HS3ST5: variants seen among roughly 807,000 people sequenced by gnomAD.
The protein encoded by HS3ST5 is heparan sulfate glucosamine 3-O-sulfotransferase 5.
A neutral mutation model predicts 25.4 loss-of-function variants in HS3ST5; 10 were observed. That is an observed-to-expected ratio of 0.39 (90% CI 0.24 to 0.67). HS3ST5 has a LOEUF of 0.67. Ranked by LOEUF, HS3ST5 falls within the 30% of genes least tolerant of loss-of-function variation. HS3ST5 has a pLI of 0.44. For synonymous variants in HS3ST5, 170 were observed against 162.4 expected (o/e 1.05, Z -0.36); for missense variants, 324 against 420.7 (o/e 0.77, Z 2.01).
intron 1 of HS3ST5, among the ~76,000 whole-genome samples, chr6:114,281,159 T>C (rs1322018595): frequency 1.3e-5 from 2 of 152,020 alleles, no homozygotes; most frequent in Non-Finnish European, 2.9e-5. Flanking sequence ...CCATCTCTGA[T>C]CCCTTCCAAT....
chr6:114,154,120 G>A (rs780226941), intron 3 of HS3ST5, among the ~76,000 whole-genome samples: 67 of 152,120 alleles, frequency 4.4e-4, no homozygotes, highest in Non-Finnish European at 8.4e-4. Context: ...GTCTATTAAC[G>A]AAGGAGAGGT....
At position 114,103,527 on chromosome 6, in the gene HS3ST5, T is replaced by C. The variant is rs187390489; in HGVS notation, c.-32-40650A>G. ...ATCAGCTAGTTGACTTCAGAGAACATAGTCAGCAATACATTTCTTGTTGAT... is the reference window on the plus strand; with the variant it reads ...ATCAGCTAGTTGACTTCAGAGAACACAGTCAGCAATACATTTCTTGTTGAT... On this transcript the variant is annotated intron_variant, in intron 3 of 4. Coordinates refer to ENST00000312719, the MANE Select transcript of HS3ST5 (RefSeq NM_153612.4). Among the ~76,000 whole-genome samples the C allele has an allele frequency of 1.4e-4, 21 of 152,228 alleles. No homozygotes were observed. The East Asian group carries it at 3.9e-3, about 28-fold the overall frequency.
chr6:114,292,635 G>T (rs1774631532), intron 1 of HS3ST5, among the ~76,000 whole-genome samples: 1 of 152,178 alleles, frequency 6.6e-6, no homozygotes, highest in Admixed American at 6.5e-5. Flanking sequence ...TAAGTACTGG[G>T]GTTATGAGAA....
chr6:114,223,617 T>A (rs1243646073), intron 2 of HS3ST5, among the ~76,000 whole-genome samples: 2 of 151,582 alleles, frequency 1.3e-5, no homozygotes, highest in Non-Finnish European at 3.0e-5. Flanking sequence ...GTAGGGGGAG[T>A]CCAAACATTC....
chr6:114,165,032 C>T (rs1423334811), intron 3 of HS3ST5, among the ~76,000 whole-genome samples: 3 of 152,134 alleles, frequency 2.0e-5, no homozygotes, highest in African/African-American at 7.2e-5. Context: ...TGGGCTGTAT[C>T]CCATTGAGGT....
At chr6:114,097,004 T>A (rs1232450763) in intron 3 of HS3ST5, among the ~76,000 whole-genome samples, 1 of 152,084 alleles carries the variant, frequency 6.6e-6, no homozygotes, top group African/African-American at 2.4e-5. Context: ...AATAATGTGC[T>A]TCATTGCACT....
chr6:114,339,132 C>A (rs934680787), intron 1 of HS3ST5, among the ~76,000 whole-genome samples: 2 of 151,912 alleles, frequency 1.3e-5, no homozygotes, highest in Admixed American at 6.6e-5. Context: ...TTTAGAAATC[C>A]AAAAAATTCA....
intron 1 of HS3ST5, among the ~76,000 whole-genome samples, chr6:114,239,820 A>G (rs1370532310): frequency 6.6e-6 from 1 of 152,166 alleles, no homozygotes; most frequent in Non-Finnish European, 1.5e-5. Context: ...TCTCTGGGTC[A>G]GCATCAATTA....
chr6:114,301,735 G>A (rs1317027344), intron 1 of HS3ST5, among the ~76,000 whole-genome samples: 6 of 152,020 alleles, frequency 3.9e-5, no homozygotes, highest in Admixed American at 3.9e-4. Context: ...TGAAAAATCT[G>A]GACATATGGC....
At chr6:114,192,989 A>G (rs1027569214) in intron 2 of HS3ST5, among the ~76,000 whole-genome samples, 1 of 152,142 alleles carries the variant, frequency 6.6e-6, no homozygotes, top group African/African-American at 2.4e-5. Flanking sequence ...CCACCTTTTT[A>G]AAAGTTTAAC....
At chr6:114,073,856 T>A (rs1413948420) in intron 3 of HS3ST5, among the ~76,000 whole-genome samples, 1 of 152,218 alleles carries the variant, frequency 6.6e-6, no homozygotes, top group Non-Finnish European at 1.5e-5. Context: ...CATATGTTTA[T>A]TGTGGCACTA....
At chr6:114,119,937 G>A (rs1582621743) in intron 3 of HS3ST5, among the ~76,000 whole-genome samples, 1 of 152,096 alleles carries the variant, frequency 6.6e-6, no homozygotes, top group Non-Finnish European at 1.5e-5. Context: ...TCAAGGTCAG[G>A]AGTTCGAGAC....
intron 1 of HS3ST5, among the ~76,000 whole-genome samples, chr6:114,268,516 CAT>C (rs1196826893): frequency 6.6e-6 from 1 of 152,128 alleles, no homozygotes; most frequent in African/African-American, 2.4e-5. Flanking sequence ...CAAGAAGAGA[CAT>C]GTGTAATACA....
chr6:114,143,234 C>T (rs909841312), intron 3 of HS3ST5, among the ~76,000 whole-genome samples: 1 of 152,178 alleles, frequency 6.6e-6, no homozygotes, highest in Admixed American at 6.5e-5. Flanking sequence ...ATAATATCTA[C>T]TTCATGAGAC....
intron 1 of HS3ST5, among the ~76,000 whole-genome samples, chr6:114,296,891 A>G (rs1359741343): frequency 6.6e-6 from 1 of 152,232 alleles, no homozygotes; most frequent in Non-Finnish European, 1.5e-5. Context: ...ACAAAGCTTC[A>G]GCCTATGCCA....
intron 2 of HS3ST5, among the ~76,000 whole-genome samples, chr6:114,181,881 AG>A (rs1779988288): frequency 8.1e-6 from 1 of 123,584 alleles, no homozygotes; most frequent in Non-Finnish European, 1.8e-5. Context: ...TGTGTATGTG[AG>A]TATGTGTGTG....
intron 1 of HS3ST5, among the ~76,000 whole-genome samples, chr6:114,324,231 T>C (rs1302509693): frequency 6.6e-6 from 1 of 152,160 alleles, no homozygotes; most frequent in Non-Finnish European, 1.5e-5. Flanking sequence ...ATAAGAAAAA[T>C]CAGAAAGCTT....
intron 1 of HS3ST5, among the ~76,000 whole-genome samples, chr6:114,317,065 G>T (rs773014168): frequency 3.9e-5 from 6 of 152,120 alleles, no homozygotes; most frequent in Non-Finnish European, 7.4e-5. Context: ...TTGATTCAAA[G>T]CTCTGATTTA....
rs191763829 is a variant in HS3ST5 at position 114,292,994 on chromosome 6, T to A, written c.-339+49201A>T. On this transcript the variant is annotated intron_variant, in intron 1 of 4. Transcript: ENST00000312719. ...TTTGGTTGAATCCACGGATGTGGAA[T>A]CCATGGATACAGAGGGCTGACTGTA... Among the ~76,000 whole-genome samples the A allele has an allele frequency of 3.0e-3, 455 of 152,190 alleles. 5 individuals are homozygous for A. The highest frequency in any genetic ancestry group is 2.6e-3 in the Non-Finnish European group (174 of 67,996).
Sources: gnomAD v4.1 joint callset for allele counts (sites outside exome capture counted in the v4.1 genomes callset) on GRCh38, gnomAD v4.1.1 for gene constraint, MANE v1.5 for transcripts, NCBI Gene and HGNC (gene_info 2026-07-23, HGNC 2026-07-21) for gene names.